RHOA: variants seen among roughly 807,000 people sequenced by gnomAD.
RHOA encodes ras homolog family member A.
RHOA carries 3 observed loss-of-function variants against 17.5 expected under a neutral mutation model. The observed-to-expected ratio is 0.17, with a 90% confidence interval of 0.08 to 0.44. The LOEUF (loss-of-function observed/expected upper bound fraction) is 0.44, where lower values mean the gene tolerates loss of function less well. Ranked by LOEUF, RHOA falls within the 20% of genes least tolerant of loss-of-function variation. RHOA has a pLI of 0.99. For missense variants in RHOA, 56 were observed against 242.3 expected, an observed-to-expected ratio of 0.23 and a Z score of 5.10; for synonymous variants, 98 against 88.4, an observed-to-expected ratio of 1.11 and a Z score of -0.61.
chr3:49,399,997 A>T (rs993454732), intron 1 of RHOA, among the ~76,000 whole-genome samples: 1 of 151,562 alleles, frequency 6.6e-6, no homozygotes, highest in African/African-American at 2.4e-5. Flanking sequence ...GAGGTGGGCG[A>T]ATCAGGAGTT....
intron 1 of RHOA, among the ~76,000 whole-genome samples, chr3:49,409,905 TG>T (rs2048904039): frequency 1.3e-5 from 2 of 152,238 alleles, no homozygotes; most frequent in African/African-American, 4.8e-5. Flanking sequence ...CTAAATATCT[TG>T]GTTTTGAAGC....
chr3:49,359,910 C>G lies in RHOA; in HGVS notation c.*299G>C, dbSNP rs1264129760. ...CAGCCTAATTCACAAAAGTTACCAACTGTTTCTCTTTCTAGAAAGAAGCAA... is the reference window on the plus strand; with the variant it reads ...CAGCCTAATTCACAAAAGTTACCAAGTGTTTCTCTTTCTAGAAAGAAGCAA... On this transcript the variant is annotated 3_prime_UTR_variant, in exon 5 of 5. Coordinates refer to ENST00000418115, the MANE Select transcript of RHOA (RefSeq NM_001664.4). 2.8e-6 allele frequency: 1 copy of G among 353,316 alleles called. No individual in the cohort carries two copies. The highest frequency in any genetic ancestry group is 5.2e-6 in the Non-Finnish European group (1 of 193,742). 21.9% of individuals were successfully genotyped at this position (353,316 alleles called of 1,614,324 possible). A position where few individuals can be genotyped will look rare whatever the true frequency, so the allele number is the denominator to read the frequency against.
At chr3:49,410,204 G>A (rs2048909157) in intron 1 of RHOA, among the ~76,000 whole-genome samples, 1 of 152,186 alleles carries the variant, frequency 6.6e-6, no homozygotes, top group Non-Finnish European at 1.5e-5. Flanking sequence ...AACTGCTTGG[G>A]AGTAAATGGA....
intron 1 of RHOA, among the ~76,000 whole-genome samples, chr3:49,394,508 G>A (rs2048579138): frequency 6.6e-6 from 1 of 151,954 alleles, no homozygotes; most frequent in Non-Finnish European, 1.5e-5. Flanking sequence ...GCACAACCAT[G>A]CCCAGCTAAT....
chr3:49,405,359 A>T (rs926155275), intron 1 of RHOA, among the ~76,000 whole-genome samples: 2 of 151,488 alleles, frequency 1.3e-5, no homozygotes, highest in East Asian at 3.9e-4. Context: ...TGAATCCAGG[A>T]GGTGGAGGTT....
At chr3:49,393,240 C>T (rs1367790882) in intron 1 of RHOA, among the ~76,000 whole-genome samples, 1 of 152,080 alleles carries the variant, frequency 6.6e-6, no homozygotes, top group African/African-American at 2.4e-5. Flanking sequence ...ACGCTTCCTT[C>T]TTAGTCACTC....
rs1209264462 is a variant in RHOA at position 49,360,549 on chromosome 3, C to A, written c.409-167G>T. Among the ~76,000 whole-genome samples, 6 of 152,030 alleles carry A rather than the reference C, an allele frequency of 3.9e-5. 1 individual carries two copies. Among genetic ancestry groups the A allele is most frequent in the African/African-American group, 1.4e-4 (6 of 41,422 alleles). ...ATGGCATGATCTCAGCTGACTGCAACCTCCACCTCCTGGGTTCAAGGGATT... is the reference window on the plus strand; with the variant it reads ...ATGGCATGATCTCAGCTGACTGCAAACTCCACCTCCTGGGTTCAAGGGATT... On this transcript the variant is annotated intron_variant, in intron 4 of 4. Transcript: ENST00000418115.
chr3:49,395,558 C>T (rs1234313349), intron 1 of RHOA, among the ~76,000 whole-genome samples: 2 of 151,696 alleles, frequency 1.3e-5, no homozygotes, highest in Non-Finnish European at 2.9e-5. Flanking sequence ...ACTAAAAATA[C>T]AAAAATTAGC....
chr3:49,369,367 T>C (rs2048114834), intron 2 of RHOA, among the ~76,000 whole-genome samples: 1 of 151,952 alleles, frequency 6.6e-6, no homozygotes, highest in Non-Finnish European at 1.5e-5. Flanking sequence ...AGAGTATATT[T>C]AAATTATTTT....
chr3:49,384,728 A>G lies in RHOA; in HGVS notation c.-2-9137T>C, dbSNP rs149241839. On this transcript the variant is annotated intron_variant, in intron 1 of 4. Transcript: ENST00000418115. ...TCACCATGTTGCCCAGGATGGTCTT[A>G]AACTCCTGGGCTCAAGTGATGCCCC... 2.7e-3 allele frequency among the ~76,000 whole-genome samples: 418 copies of G among 152,086 alleles called. 3 individuals carry two copies. Among genetic ancestry groups the G allele is most frequent in the African/African-American group, 9.4e-3 (388 of 41,490 alleles).
In RHOA at chr3:49,410,895, C is replaced by T. The variant is rs138149958; in HGVS notation, c.-3+925G>A. Among the ~76,000 whole-genome samples, 305 of 152,282 alleles carry T rather than the reference C, an allele frequency of 2.0e-3. 3 individuals are homozygous for T. The highest frequency in any genetic ancestry group is 7.0e-3 in the African/African-American group (290 of 41,566). ...ATTTAAAATCAGAACTATTAAAAAACACAAGTGGAACCAACTTTGAGGTAA... is the reference window on the plus strand; with the variant it reads ...ATTTAAAATCAGAACTATTAAAAAATACAAGTGGAACCAACTTTGAGGTAA... On this transcript the variant is annotated intron_variant, in intron 1 of 4. Transcript: ENST00000418115.
intron 1 of RHOA, among the ~76,000 whole-genome samples, chr3:49,386,285 C>T (rs768033595): frequency 9.2e-5 from 14 of 152,136 alleles, no homozygotes; most frequent in Non-Finnish European, 1.9e-4. Flanking sequence ...TCTCCTTATA[C>T]TTAGAACCAC....
intron 1 of RHOA, among the ~76,000 whole-genome samples, chr3:49,380,717 A>G (rs1267000364): frequency 1.6e-5 from 2 of 122,212 alleles, no homozygotes; most frequent in Non-Finnish European, 3.4e-5. Context: ...TAATAATAAT[A>G]ATAAATACTC....
intron 1 of RHOA, among the ~76,000 whole-genome samples, chr3:49,376,556 T>C (rs904108511): frequency 7.1e-6 from 1 of 141,368 alleles, no homozygotes; most frequent in Non-Finnish European, 1.5e-5. Context: ...GGCAGGAGAA[T>C]GGCGTGAACC....
At chr3:49,370,638 C>T (rs2107842267) in intron 2 of RHOA, among the ~76,000 whole-genome samples, 1 of 152,250 alleles carries the variant, frequency 6.6e-6, no homozygotes, top group African/African-American at 2.4e-5. Context: ...GAGAGTACTC[C>T]TTTCACATCC....
At chr3:49,375,344 C>T (rs2107848585) in intron 2 of RHOA, 90 bp downstream of exon 2, 1 of 1,267,058 alleles carries the variant, frequency 7.9e-7, no homozygotes, top group Non-Finnish European at 1.1e-6. Context: ...ATATGGTATA[C>T]TGAAGAGGCA....
chr3:49,368,001 C>T (rs1022918187), intron 3 of RHOA, among the ~76,000 whole-genome samples: 4 of 151,996 alleles, frequency 2.6e-5, no homozygotes, highest in African/African-American at 9.7e-5. Context: ...TCTCCACCTA[C>T]CAGGTTCAAA....
At chr3:49,409,554 T>C (rs1380513867) in intron 1 of RHOA, among the ~76,000 whole-genome samples, 2 of 152,156 alleles carry the variant, frequency 1.3e-5, no homozygotes, top group African/African-American at 4.8e-5. Flanking sequence ...TAGAAGCTGA[T>C]CAGTCTTTCT....
chr3:49,410,628 T>C (rs2048916509), intron 1 of RHOA, among the ~76,000 whole-genome samples: 2 of 152,312 alleles, frequency 1.3e-5, no homozygotes, highest in South Asian at 4.1e-4. Flanking sequence ...CAAAACAGTA[T>C]CTCCGCCAAT....
Sources: gnomAD v4.1 joint callset for allele counts (sites outside exome capture counted in the v4.1 genomes callset) on GRCh38, gnomAD v4.1.1 for gene constraint, MANE v1.5 for transcripts, NCBI Gene and HGNC (gene_info 2026-07-23, HGNC 2026-07-21) for gene names.